CNOT3: variants seen among roughly 807,000 people sequenced by gnomAD.
CNOT3 encodes the protein CCR4-NOT transcription complex subunit 3, also known as CCR4-associated factor 3.
A neutral mutation model predicts 89.4 loss-of-function variants in CNOT3; 2 were observed. The observed-to-expected ratio is 0.02, with a 90% CI of 0.01 to 0.07. CNOT3 has a LOEUF of 0.07. Among genes scored for constraint, CNOT3 ranks in the 10% least tolerant of loss-of-function variants. The pLI is 1.00. For synonymous variants in CNOT3, 486 were observed against 402.0 expected, an observed-to-expected ratio of 1.21 and a Z score of -2.50; for missense variants, 664 against 1,010.2, an observed-to-expected ratio of 0.66 and a Z score of 4.65.
rs759861030 is a variant in CNOT3 at position 54,145,793 on chromosome 19, G to A, written c.679G>A (p.Asp227Asn). 43 of 1,613,066 alleles carry A rather than the reference G, an allele frequency of 2.7e-5. No homozygotes were observed. Among genetic ancestry groups the A allele is most frequent in the Non-Finnish European group, 3.3e-5 (39 of 1,179,198 alleles). The change falls in exon 8 of 18, where the codon GAT becomes AAT. Residue 227 changes from aspartate to asparagine, a missense_variant. Around this residue, in one of 8 missense-constraint regions of CNOT3, gnomAD observed 25 missense variants for 69.0 expected, o/e 0.36. Transcript: ENST00000221232. This position sits in a 1 kb window ranked among gnomAD's most constrained non-coding sequence, Gnocchi z 5.9. Reference protein sequence around the residue: ...PDFEENEFLYDDLDLEDIPQA... With the variant: ...PDFEENEFLYNDLDLEDIPQA... ...CTTCGAGGAGAACGAGTTTCTCTAC[G>A]ATGACCTGGACCTCGAGGACATTCG...
Position 54,152,847 on chromosome 19 carries a change from C to A in CNOT3, c.1905-20C>A, listed in dbSNP as rs777796183. ...AGGACTAGTAGGCAGCTGGCACTGA[C>A]CTTCCTGTTGCTCTCACAGGCAGTA... On this transcript the variant is annotated intron_variant, in intron 15 of 17. Coordinates refer to ENST00000221232, the MANE Select transcript of CNOT3 (RefSeq NM_014516.4). 2.4e-5 allele frequency: 30 copies of A among 1,270,914 alleles called. No individual in the cohort carries two copies. Among genetic ancestry groups the A allele is most frequent in the African/African-American group, 1.3e-4 (9 of 67,518 alleles). The allele number at this position is 1,270,914 out of a possible 1,614,324, so 78.7% of individuals were successfully genotyped here.
At chr19:54,140,327 C>T (rs1382317720) in intron 1 of CNOT3, among the ~76,000 whole-genome samples, 6 of 152,052 alleles carry the variant, frequency 3.9e-5, no homozygotes, top group Non-Finnish European at 5.9e-5. Flanking sequence ...CCTCCTGGGC[C>T]GAGGTTCCCA....
Position 54,146,033 on chromosome 19 carries a change from A to C in CNOT3, c.827A>C (p.Asn276Thr), listed in dbSNP as rs201696237. 176 of 1,613,190 alleles carry C rather than the reference A, an allele frequency of 1.1e-4. No individual in the cohort carries two copies. The East Asian group carries it at 3.7e-3, about 34-fold the overall frequency. ...TCTCCCATCCCGCCCAGCCCAGCCA[A>C]CTGTACCACGGTGAGGCCCCACGGG... ...SSSPIPPSPA[N>T]CTTENSEDDK... is the part of the protein sequence containing the mutation. The change falls in exon 9 of 18, where the codon AAC becomes ACC. Residue 276 changes from asparagine to threonine, a missense_variant. Asn to Thr is a moderately conservative substitution (Grantham distance 65). Coordinates refer to ENST00000221232, the MANE Select transcript of CNOT3 (RefSeq NM_014516.4).
intron 3 of CNOT3, 107 bp from the exon 4 acceptor site, chr19:54,143,335 T>C: frequency 1.1e-6 from 1 of 898,984 alleles, no homozygotes; most frequent in Non-Finnish European, 1.7e-6. Context: ...GGATTGGGGG[T>C]AGGGGTTGGG....
In CNOT3 at chr19:54,149,573, G is replaced by GC. The variant is rs764694166; in HGVS notation, c.1421dup (p.Ala475GlyfsTer40). ...CTCTCTCTCCAGGAAGGAACCCAGT[G>GC]CGGCAGCCCCAACGGGGGCTGGGGG... On this transcript the variant is annotated frameshift_variant, in exon 13 of 18. Coordinates refer to ENST00000221232, the MANE Select transcript of CNOT3 (RefSeq NM_014516.4). LOFTEE classifies it high-confidence loss of function. 6.9e-6 allele frequency: 11 copies of GC among 1,591,990 alleles called. No individual in the cohort carries two copies. Among genetic ancestry groups the GC allele is most frequent in the Non-Finnish European group, 9.4e-6 (11 of 1,167,560 alleles).
intron 1 of CNOT3, chr19:54,142,453 C>CACACACACACACACACACCCACA (rs1440264680): frequency 4.5e-6 from 1 of 221,790 alleles, no homozygotes; most frequent in Non-Finnish European, 9.2e-6. Flanking sequence ...CACACACACG[C>CACACACACACACACACACCCACA]CCTTCTCTGT....
intron 3 of CNOT3, 112 bp from the exon 4 acceptor site, chr19:54,143,329 TG>T: frequency 1.3e-6 from 1 of 744,522 alleles, no homozygotes; most frequent in Non-Finnish European, 2.2e-6. Context: ...TAAGATGGAT[TG>T]GGGGTAGGGG....
intron 3 of CNOT3, 76 bp downstream of exon 3, chr19:54,143,262 G>A (rs587683049): frequency 1.5e-6 from 2 of 1,362,248 alleles, no homozygotes; most frequent in African/African-American, 1.4e-5. Flanking sequence ...ACCTCTGGGT[G>A]TTGACCAGCG....
intron 9 of CNOT3, 46 bp downstream of exon 9, chr19:54,146,089 G>A (rs1258508404): frequency 6.2e-7 from 1 of 1,600,798 alleles, no homozygotes; most frequent in South Asian, 1.1e-5. Context: ...CAGCAGGGCA[G>A]GACTCGAGGA....
chr19:54,148,562 G>T lies in CNOT3; in HGVS notation c.1282+27G>T, dbSNP rs2074833893. On this transcript the variant is annotated intron_variant, in intron 11 of 17. Transcript: ENST00000221232. This position sits in a 1 kb window ranked among gnomAD's most constrained non-coding sequence, Gnocchi z 6.3. ...TGAGTGAGGAGGCAGCGGGGTGGGG[G>T]GCGTGGGCGGGGCTGGGCAGCAGGC... is the stretch of plus-strand genomic sequence containing the variant. The T allele has an allele frequency of 2.5e-6, 4 of 1,579,384 alleles. No homozygotes were observed. Among genetic ancestry groups the T allele is most frequent in the Non-Finnish European group, 3.5e-6 (4 of 1,159,370 alleles).
chr19:54,149,519 G>C (rs372083407), intron 12 of CNOT3, 41 bp from the exon 13 acceptor site: 160 of 1,365,138 alleles, frequency 1.2e-4, no homozygotes, highest in African/African-American at 1.1e-3. Context: ...CCACCCTCAG[G>C]GACCCTCCTC....
chr19:54,149,870 C>T (rs2074967740), intron 13 of CNOT3, 112 bp downstream of exon 13: 5 of 1,106,130 alleles, frequency 4.5e-6, no homozygotes, highest in Non-Finnish European at 6.3e-6. Flanking sequence ...CTCTCTCTGG[C>T]TTTCTGTCCC....
At chr19:54,143,316 C>G in intron 3 of CNOT3, 126 bp from the exon 4 acceptor site, 2 of 1,084,254 alleles carry the variant, frequency 1.8e-6, no homozygotes, top group Non-Finnish European at 2.8e-6. Flanking sequence ...AGAGAATCAG[C>G]TCTAAGATGG....
At chr19:54,139,616 C>T (rs1329974444) in intron 1 of CNOT3, among the ~76,000 whole-genome samples, 7 of 152,128 alleles carry the variant, frequency 4.6e-5, no homozygotes, top group African/African-American at 1.7e-4. Context: ...CACGCCTCTG[C>T]ATGTGTCCCC....
rs1438474638 is a variant in CNOT3 at position 54,145,944 on chromosome 19, C to T, written c.738C>T (p.His246=). The change falls in exon 9 of 18, where the codon CAC becomes CAT. Residue 246 remains histidine, a synonymous_variant. Transcript: ENST00000221232. The surrounding 1 kb of genome is among the most constrained non-coding windows in gnomAD (Gnocchi z 5.9). The part of the protein sequence containing the change: ...QALVATSPPS[H]SHMEDEIFNQ... ...TGGTCGCCACCTCCCCCCCCAGCCA[C>T]AGCCACATGGAGGATGAGATCTTCA... is the stretch of plus-strand genomic sequence containing the variant. 6.2e-7 allele frequency: 1 copy of T among 1,614,022 alleles called. No individual in the cohort carries two copies. Among genetic ancestry groups the T allele is most frequent in the Non-Finnish European group, 8.5e-7 (1 of 1,180,010 alleles).
intron 1 of CNOT3, among the ~76,000 whole-genome samples, chr19:54,138,779 G>A (rs1202866933): frequency 1.3e-5 from 2 of 152,270 alleles, no homozygotes; most frequent in Non-Finnish European, 2.9e-5. Context: ...GGTGGCTCCA[G>A]CCTCGCCATC....
chr19:54,148,162 C>T lies in CNOT3; in HGVS notation c.909C>T (p.Asn303=), dbSNP rs772901111. 35 of 1,519,398 alleles carry T rather than the reference C, an allele frequency of 2.3e-5. No homozygotes were observed. Among genetic ancestry groups the T allele is most frequent in the African/African-American group, 4.2e-5 (3 of 71,362 alleles). 94.1% of individuals were successfully genotyped at this position (1,519,398 alleles called of 1,614,324 possible). A position where few individuals can be genotyped will look rare whatever the true frequency, so the allele number is the denominator to read the frequency against. Residue 303 remains asparagine, a synonymous_variant, in exon 11 of 18, where the codon AAC becomes AAT. Transcript: ENST00000221232. The surrounding 1 kb of genome is among the most constrained non-coding windows in gnomAD (Gnocchi z 6.3). ...DSEVSQSPAK[N]GSKPVHSNQH... ...CCCACCCGCAGTCTCCAGCCAAAAA[C>T]GGCTCCAAGCCTGTCCACAGCAACC...
rs770165877 is a variant in CNOT3 at position 54,153,857 on chromosome 19, C to T, written c.2163+17C>T. On this transcript the variant is annotated intron_variant, in intron 17 of 17. Transcript: ENST00000221232. ...TTTGAGCAGGTGAGGGCCCCGCCCCCTCTCTTCCCGCTGCTAGGGTTGGGG... is the reference window on the plus strand; with the variant it reads ...TTTGAGCAGGTGAGGGCCCCGCCCCTTCTCTTCCCGCTGCTAGGGTTGGGG... The T allele has an allele frequency of 1.2e-6, 2 of 1,614,082 alleles. No individual in the cohort carries two copies. The highest frequency in any genetic ancestry group is 1.7e-6 in the Non-Finnish European group (2 of 1,179,942).
intron 17 of CNOT3, 146 bp downstream of exon 17, chr19:54,153,986 C>G: frequency 9.7e-7 from 1 of 1,032,964 alleles, no homozygotes; most frequent in Non-Finnish European, 1.5e-6. Flanking sequence ...CTCCCTCTGG[C>G]TGTCTGCTCA....
Sources: allele counts gnomAD v4.1 joint callset (sites outside exome capture counted in the v4.1 genomes callset), GRCh38; gene constraint gnomAD v4.1.1; regional missense constraint gnomAD v4.1.1; non-coding constraint Gnocchi (gnomAD v3.1); transcripts MANE v1.5; gene names NCBI Gene and HGNC (gene_info 2026-07-23, HGNC 2026-07-21).